Variants in NDUFAF6 observed in about 807,000 individuals in gnomAD.
NDUFAF6 encodes the protein NADH dehydrogenase (ubiquinone) complex I, assembly factor 6.
NDUFAF6 carries 45 observed loss-of-function variants against 40.8 expected under a neutral mutation model. The ratio of observed to expected loss-of-function variants is 1.10; its 90% CI spans 0.87 to 1.42. NDUFAF6 has a LOEUF of 1.42. Among genes scored for constraint, NDUFAF6 ranks in the 40% most tolerant of loss-of-function variants. The pLI is 0.00. For missense variants in NDUFAF6, 435 were observed against 418.5 expected, an observed-to-expected ratio of 1.04 and a Z score of -0.34; for synonymous variants, 185 against 155.9, an observed-to-expected ratio of 1.19 and a Z score of -1.39.
intron 9 of NDUFAF6, among the ~76,000 whole-genome samples, chr8:95,064,427 T>C (rs1832650171): frequency 8.5e-5 from 13 of 152,152 alleles, no homozygotes; most frequent in Admixed American, 8.5e-4. Flanking sequence ...CATGTGTTCA[T>C]TGCAAAAATC....
intron 4 of NDUFAF6, among the ~76,000 whole-genome samples, chr8:95,043,042 G>A (rs1202141584): frequency 1.3e-5 from 2 of 151,200 alleles, no homozygotes; most frequent in Non-Finnish European, 2.9e-5. Context: ...TTAGGGGAAA[G>A]CATAGGTGTA....
chr8:95,102,023 G>A (rs1174981890), intron 2 of NDUFAF6, among the ~76,000 whole-genome samples: 1 of 151,730 alleles, frequency 6.6e-6, no homozygotes, highest in African/African-American at 2.4e-5. Context: ...TTGAGATGGA[G>A]TCTCACTCTT....
chr8:95,065,301 A>G (rs765675241), intron 9 of NDUFAF6, among the ~76,000 whole-genome samples: 1 of 152,164 alleles, frequency 6.6e-6, no homozygotes, highest in Non-Finnish European at 1.5e-5. Context: ...ATCTGACGCT[A>G]TCTCTAGGTA....
At chr8:94,898,772 A>G (rs1473304365) in intron 1 of NDUFAF6, among the ~76,000 whole-genome samples, 1 of 152,108 alleles carries the variant, frequency 6.6e-6, no homozygotes, top group East Asian at 1.9e-4. Flanking sequence ...CTTTTTCCCC[A>G]TTCATTAACT....
intron 2 of NDUFAF6, among the ~76,000 whole-genome samples, chr8:94,982,246 A>G (rs950270460): frequency 6.6e-6 from 1 of 151,708 alleles, no homozygotes; most frequent in African/African-American, 2.4e-5. Context: ...AAAAAAAATT[A>G]TACATCTTTT....
chr8:94,943,645 G>T (rs568841391), intron 1 of NDUFAF6, among the ~76,000 whole-genome samples: 1 of 152,200 alleles, frequency 6.6e-6, no homozygotes, highest in South Asian at 2.1e-4. Flanking sequence ...AAGTAGTTGG[G>T]ATCTGTAGCT....
chr8:95,063,401 C>A (rs1383104764), downstream of NDUFAF6, among the ~76,000 whole-genome samples: 2 of 152,156 alleles, frequency 1.3e-5, no homozygotes, highest in Non-Finnish European at 2.9e-5. Flanking sequence ...GAGTTTAAGA[C>A]CAGCCTGGCC....
At chr8:94,920,031 A>G (rs1013347814) in intron 1 of NDUFAF6, among the ~76,000 whole-genome samples, 22 of 152,184 alleles carry the variant, frequency 1.4e-4, no homozygotes, top group African/African-American at 5.3e-4. Context: ...TCATGTTAAA[A>G]TACTCTTCTT....
intron 1 of NDUFAF6, among the ~76,000 whole-genome samples, chr8:94,973,504 C>G (rs778625552): frequency 6.6e-6 from 1 of 152,062 alleles, no homozygotes; most frequent in Non-Finnish European, 1.5e-5. Flanking sequence ...GTCAGGAGAT[C>G]GAGACCATCC....
intron 2 of NDUFAF6, among the ~76,000 whole-genome samples, chr8:95,014,498 T>A (rs556154088): frequency 5.3e-5 from 8 of 152,272 alleles, no homozygotes; most frequent in African/African-American, 1.9e-4. Flanking sequence ...TTTCTCTGGG[T>A]AAGATGAGAA....
At chr8:95,071,999 C>A (rs747697081) in intron 9 of NDUFAF6, 4 of 152,198 alleles carry the variant, frequency 2.6e-5, no homozygotes, top group Non-Finnish European at 5.9e-5. Flanking sequence ...ACATCCCCTT[C>A]TTTCAAGTCT....
intron 2 of NDUFAF6, among the ~76,000 whole-genome samples, chr8:94,948,138 C>G (rs1188534247): frequency 6.6e-6 from 1 of 152,186 alleles, no homozygotes; most frequent in African/African-American, 2.4e-5. Flanking sequence ...TTAATCCACT[C>G]TGTATTGGAA....
At chr8:95,064,404 C>T (rs1832649354) in intron 9 of NDUFAF6, among the ~76,000 whole-genome samples, 1 of 152,008 alleles carries the variant, frequency 6.6e-6, no homozygotes, top group Admixed American at 6.6e-5. Context: ...TTTCTTCTTA[C>T]ACAACTAACT....
intron 4 of NDUFAF6, 85 bp from the exon 5 acceptor site, chr8:95,045,460 C>T: frequency 1.2e-6 from 1 of 865,998 alleles, no homozygotes. Flanking sequence ...ATTCGTTATT[C>T]AGTTCTTTGG....
At chr8:95,080,892 G>C (rs980071281), downstream of NDUFAF6, among the ~76,000 whole-genome samples, 3 of 152,116 alleles carry the variant, frequency 2.0e-5, no homozygotes, top group African/African-American at 7.2e-5. Flanking sequence ...TGTTATCCCA[G>C]GATTTGATGC....
intron 2 of NDUFAF6, among the ~76,000 whole-genome samples, chr8:94,985,516 T>TATATATATATATA (rs1586904614): frequency 8.5e-4 from 4 of 4,710 alleles, no homozygotes; most frequent in Non-Finnish European, 1.3e-3. Flanking sequence ...TATATATATA[T>TATATATATATATA]TTTTTTTTTT....
chr8:94,904,085 T>A (rs975604898), intron 1 of NDUFAF6, among the ~76,000 whole-genome samples: 3 of 152,142 alleles, frequency 2.0e-5, no homozygotes, highest in African/African-American at 7.2e-5. Context: ...CAATCCCAGT[T>A]CCAAACCCTA....
At chr8:95,027,212 A>G (rs1255764693) in intron 1 of NDUFAF6, among the ~76,000 whole-genome samples, 1 of 152,068 alleles carries the variant, frequency 6.6e-6, no homozygotes, top group East Asian at 1.9e-4. Context: ...ACTTATTTCA[A>G]ATGCTGAATT....
At chr8:94,985,486 TATATATATATATATATATATATA>T (rs1825758933) in intron 2 of NDUFAF6, among the ~76,000 whole-genome samples, 2 of 5,480 alleles carry the variant, frequency 3.6e-4, no homozygotes, top group South Asian at 2.9e-3. Flanking sequence ...TATATATATA[TATATATATATATATATATATATA>T]TATATATTTT....
Sources: allele counts gnomAD v4.1 joint callset (sites outside exome capture counted in the v4.1 genomes callset), GRCh38; gene constraint gnomAD v4.1.1; transcripts MANE v1.5; gene names NCBI Gene and HGNC (gene_info 2026-07-23, HGNC 2026-07-21).